GALNT17: variants seen among roughly 807,000 people sequenced by gnomAD.
GALNT17 encodes UDP-GalNAc:polypeptide N-acetylgalactosaminyltransferase-like 3.
In GALNT17, 29 loss-of-function variants were observed where a neutral mutation model predicts 63.7. That is an observed-to-expected ratio of 0.46 (90% CI 0.34 to 0.62). The LOEUF (loss-of-function observed/expected upper bound fraction) is 0.62. Among genes scored for constraint, GALNT17 ranks in the 20% least tolerant of loss-of-function variants. GALNT17 has a pLI of 0.01. For synonymous variants in GALNT17, 305 were observed against 318.3 expected (o/e 0.96, Z 0.45); for missense variants, 603 against 799.6 (o/e 0.75, Z 2.97).
At chr7:71,459,482 G>A (rs143196855) in intron 5 of GALNT17, among the ~76,000 whole-genome samples, 147 of 152,260 alleles carry the variant, frequency 9.7e-4, no homozygotes, top group African/African-American at 3.2e-3. Flanking sequence ...ATTTTTTCTT[G>A]TCTTGCCCAA....
At chr7:71,329,917 A>ATG (rs71089937) in intron 1 of GALNT17, among the ~76,000 whole-genome samples, 2 of 146,868 alleles carry the variant, frequency 1.4e-5, no homozygotes, top group South Asian at 2.1e-4. Context: ...ATATATATGT[A>ATG]TGTGTGTGTG....
intron 5 of GALNT17, among the ~76,000 whole-genome samples, chr7:71,530,790 G>T (rs138174552): frequency 2.0e-5 from 3 of 151,836 alleles, no homozygotes; most frequent in Admixed American, 2.0e-4. Flanking sequence ...GGATGGTCTC[G>T]ATCTCCTGAC....
At chr7:71,303,012 G>A (rs1199885408) in intron 1 of GALNT17, among the ~76,000 whole-genome samples, 1 of 152,032 alleles carries the variant, frequency 6.6e-6, no homozygotes, top group East Asian at 1.9e-4. Flanking sequence ...CTATAGGCAC[G>A]TGCTGCCATG....
chr7:71,482,878 A>G (rs1258903125), intron 5 of GALNT17, among the ~76,000 whole-genome samples: 2 of 152,170 alleles, frequency 1.3e-5, no homozygotes, highest in Admixed American at 6.6e-5. Flanking sequence ...GCACATGCGT[A>G]GTTCACAAGA....
At chr7:71,440,186 C>T (rs1367463904) in intron 5 of GALNT17, among the ~76,000 whole-genome samples, 1 of 151,856 alleles carries the variant, frequency 6.6e-6, no homozygotes, top group Non-Finnish European at 1.5e-5. Flanking sequence ...TTTTCAGGCC[C>T]TCTTACATAT....
intron 2 of GALNT17, among the ~76,000 whole-genome samples, chr7:71,363,822 C>T (rs1792452051): frequency 2.0e-5 from 3 of 152,184 alleles, no homozygotes; most frequent in African/African-American, 7.2e-5. Flanking sequence ...TTGATTACAG[C>T]TCAGTGTTTG....
intron 1 of GALNT17, among the ~76,000 whole-genome samples, chr7:71,139,285 G>A (rs1008658520): frequency 9.9e-5 from 15 of 152,070 alleles, no homozygotes; most frequent in Non-Finnish European, 2.1e-4. Flanking sequence ...CTTGCCCCTC[G>A]CAGGCTCAAA....
At chr7:71,207,438 T>C (rs1233677327) in intron 1 of GALNT17, among the ~76,000 whole-genome samples, 4 of 152,230 alleles carry the variant, frequency 2.6e-5, no homozygotes, top group Admixed American at 1.3e-4. Flanking sequence ...GATAATTTAG[T>C]TTAGCTTTGT....
At chr7:71,173,267 C>A (rs573333921) in intron 1 of GALNT17, among the ~76,000 whole-genome samples, 2 of 152,136 alleles carry the variant, frequency 1.3e-5, no homozygotes, top group African/African-American at 4.8e-5. Context: ...ACATGTGCAC[C>A]CTGGTATCTC....
At chr7:71,420,635 C>T (rs78417173) in intron 4 of GALNT17, among the ~76,000 whole-genome samples, 1,637 of 152,270 alleles carry the variant, frequency 0.011, 33 homozygotes, top group African/African-American at 0.037. Context: ...TTCTGAACTC[C>T]TCTTGCTCCA....
chr7:71,270,147 C>T (rs907892943), intron 1 of GALNT17, among the ~76,000 whole-genome samples: 15 of 152,124 alleles, frequency 9.9e-5, no homozygotes, highest in African/African-American at 3.6e-4. Flanking sequence ...TACAGAGAAG[C>T]AACTAAAGCA....
rs553289496 is a variant in GALNT17 at position 71,338,096 on chromosome 7, G to A, written c.422+2363G>A. On this transcript the variant is annotated intron_variant, in intron 2 of 10. Coordinates refer to ENST00000333538, the MANE Select transcript of GALNT17 (RefSeq NM_022479.3). Reference sequence around the variant, plus strand: ...TAATCCCAGCACTTTGGGAGGCCGAGGCGGGCGGATCACGAGATCAGGAGA... The same window carrying A: ...TAATCCCAGCACTTTGGGAGGCCGAAGCGGGCGGATCACGAGATCAGGAGA... Among the ~76,000 whole-genome samples, 94 of 152,046 alleles carry A rather than the reference G, an allele frequency of 6.2e-4. 1 individual carries two copies. The highest frequency in any genetic ancestry group is 2.1e-3 in the African/African-American group (88 of 41,496).
At chr7:71,571,837 G>A (rs1789446825) in intron 6 of GALNT17, among the ~76,000 whole-genome samples, 1 of 152,156 alleles carries the variant, frequency 6.6e-6, no homozygotes. Flanking sequence ...AACAGAGCAA[G>A]ACCCTGTCTC....
chr7:71,198,546 C>T (rs1172514922), intron 1 of GALNT17, among the ~76,000 whole-genome samples: 1 of 152,230 alleles, frequency 6.6e-6, no homozygotes, highest in Non-Finnish European at 1.5e-5. Context: ...CTAACCTGGA[C>T]TACCAGTAAG....
At chr7:71,369,777 G>T (rs552456793) in intron 2 of GALNT17, among the ~76,000 whole-genome samples, 1 of 135,670 alleles carries the variant, frequency 7.4e-6, no homozygotes, top group South Asian at 2.3e-4. Flanking sequence ...GCACCATTGC[G>T]CTCCAGCCTG....
chr7:71,284,895 TC>T (rs1203136046), intron 1 of GALNT17, among the ~76,000 whole-genome samples: 6 of 152,198 alleles, frequency 3.9e-5, no homozygotes, highest in Admixed American at 1.3e-4. Flanking sequence ...TTTTTTTTTT[TC>T]TTCCATAAGT....
chr7:71,546,897 A>T (rs1487310484), intron 5 of GALNT17, among the ~76,000 whole-genome samples: 1 of 152,172 alleles, frequency 6.6e-6, no homozygotes, highest in Non-Finnish European at 1.5e-5. Flanking sequence ...TTATGGGTCC[A>T]CTTACCCACT....
chr7:71,263,551 T>A (rs1790426891), intron 1 of GALNT17, among the ~76,000 whole-genome samples: 1 of 152,154 alleles, frequency 6.6e-6, no homozygotes, highest in Admixed American at 6.5e-5. Context: ...CTTTAGAGCC[T>A]CCTTGGGTTT....
At chr7:71,321,601 C>T (rs1397131367) in intron 1 of GALNT17, among the ~76,000 whole-genome samples, 1 of 151,866 alleles carries the variant, frequency 6.6e-6, no homozygotes, top group East Asian at 2.0e-4. Flanking sequence ...AATTTTCTCC[C>T]CTCCCTCCCT....
Sources: allele counts gnomAD v4.1 joint callset (sites outside exome capture counted in the v4.1 genomes callset), GRCh38; gene constraint gnomAD v4.1.1; transcripts MANE v1.5; gene names NCBI Gene and HGNC (gene_info 2026-07-23, HGNC 2026-07-21).